Variants in CDH13 observed in about 807,000 individuals in gnomAD.
CDH13 encodes the protein cadherin-13.
CDH13 carries 24 observed loss-of-function variants against 63.8 expected under a neutral mutation model. The ratio of observed to expected loss-of-function variants is 0.38; its 90% confidence interval spans 0.27 to 0.53. The LOEUF (loss-of-function observed/expected upper bound fraction) is 0.53, where lower values mean the gene tolerates loss of function less well. CDH13 is among the 20% of genes least tolerant of loss of function. The pLI is 0.85. For missense variants in CDH13, 1,049 were observed against 903.1 expected, an observed-to-expected ratio of 1.16 and a Z score of -2.07; for synonymous variants, 503 against 355.3, an observed-to-expected ratio of 1.42 and a Z score of -4.67.
intron 1 of CDH13, among the ~76,000 whole-genome samples, chr16:82,671,079 G>A (rs1030746212): frequency 7.9e-5 from 12 of 152,086 alleles, no homozygotes; most frequent in African/African-American, 2.9e-4. Context: ...GTGGGTATTA[G>A]ATGGCGAGGG....
intron 2 of CDH13, among the ~76,000 whole-genome samples, chr16:82,928,159 C>CGTGTGT (rs1459344388): frequency 2.1e-5 from 1 of 46,648 alleles, no homozygotes. Context: ...AGTAGGCAGT[C>CGTGTGT]GTGTATGTGT....
chr16:83,259,741 G>T (rs542721883), intron 5 of CDH13, among the ~76,000 whole-genome samples: 1 of 152,006 alleles, frequency 6.6e-6, no homozygotes, highest in South Asian at 2.1e-4. Context: ...GAGGAAACTC[G>T]CTTCAGTTTG....
At chr16:82,819,287 T>C (rs2037880894) in intron 1 of CDH13, among the ~76,000 whole-genome samples, 1 of 152,180 alleles carries the variant, frequency 6.6e-6, no homozygotes, top group Admixed American at 6.5e-5. Context: ...TCAAGTAACT[T>C]TCCAGATAAA....
chr16:83,468,925 C>T (rs956681044), intron 6 of CDH13, among the ~76,000 whole-genome samples: 1 of 152,168 alleles, frequency 6.6e-6, no homozygotes, highest in African/African-American at 2.4e-5. Flanking sequence ...CTTTGGATGC[C>T]AGCTGATTCT....
chr16:82,661,809 A>G (rs1416483309), intron 1 of CDH13, among the ~76,000 whole-genome samples: 1 of 152,262 alleles, frequency 6.6e-6, no homozygotes, highest in Non-Finnish European at 1.5e-5. Flanking sequence ...GATGTGTGTC[A>G]CATCAGACTA....
At chr16:83,435,662 T>TAAGTCCAGATGAA (rs1478189709) in intron 6 of CDH13, among the ~76,000 whole-genome samples, 2 of 152,302 alleles carry the variant, frequency 1.3e-5, no homozygotes, top group African/African-American at 4.8e-5. Flanking sequence ...ACCTCACATC[T>TAAGTCCAGATGAA]AAGTCCAGAT....
At chr16:83,380,831 GT>G (rs200970706) in intron 6 of CDH13, among the ~76,000 whole-genome samples, 44,160 of 142,526 alleles carry the variant, frequency 0.31, 6,723 homozygotes, top group African/African-American at 0.39. Flanking sequence ...ATTACCCAAG[GT>G]TTTTTTTTTT....
chr16:82,753,790 G>T (rs2034510919), intron 1 of CDH13, among the ~76,000 whole-genome samples: 1 of 152,124 alleles, frequency 6.6e-6, no homozygotes, highest in South Asian at 2.1e-4. Context: ...TTTATTCTGT[G>T]GGTCCACCTC....
intron 6 of CDH13, among the ~76,000 whole-genome samples, chr16:83,349,869 G>A (rs2090915424): frequency 6.6e-6 from 1 of 152,018 alleles, no homozygotes; most frequent in Non-Finnish European, 1.5e-5. Context: ...CCAAATGCTG[G>A]GATTACAGGT....
intron 6 of CDH13, among the ~76,000 whole-genome samples, chr16:83,367,628 C>G (rs896856155): frequency 6.6e-6 from 1 of 152,140 alleles, no homozygotes; most frequent in African/African-American, 2.4e-5. Context: ...TATGAGGGTT[C>G]TAATTTCTCC....
At chr16:82,820,996 C>G (rs1001697013) in intron 1 of CDH13, among the ~76,000 whole-genome samples, 1 of 152,026 alleles carries the variant, frequency 6.6e-6, no homozygotes, top group African/African-American at 2.4e-5. Flanking sequence ...ACAATGATCT[C>G]CTCATTAGAT....
chr16:83,257,021 C>G (rs1906378640), intron 5 of CDH13, among the ~76,000 whole-genome samples: 1 of 151,944 alleles, frequency 6.6e-6, no homozygotes, highest in African/African-American at 2.4e-5. Flanking sequence ...GGATTTGTTA[C>G]CTGGCAAGAA....
chr16:82,666,579 GT>G (rs1464218560), intron 1 of CDH13, among the ~76,000 whole-genome samples: 2 of 152,206 alleles, frequency 1.3e-5, no homozygotes, highest in African/African-American at 4.8e-5. Flanking sequence ...AATCTGGGAT[GT>G]CTGACATAAC....
chr16:83,156,343 A>G (rs528197752), intron 4 of CDH13, among the ~76,000 whole-genome samples: 3 of 152,278 alleles, frequency 2.0e-5, no homozygotes, highest in Admixed American at 1.3e-4. Flanking sequence ...TAGTTCCATC[A>G]TGTATGCATC....
intron 1 of CDH13, among the ~76,000 whole-genome samples, chr16:82,791,968 C>G (rs1422939949): frequency 6.6e-6 from 1 of 152,150 alleles, no homozygotes; most frequent in East Asian, 1.9e-4. Flanking sequence ...GAACAAAGAC[C>G]CGCCCGTATC....
chr16:83,345,386 T>C (rs926368725), intron 6 of CDH13, among the ~76,000 whole-genome samples: 1 of 152,230 alleles, frequency 6.6e-6, no homozygotes. Context: ...CTCAGTTCTT[T>C]CTTTTCACAG....
chr16:83,298,235 C>T (rs1249312207), intron 5 of CDH13, among the ~76,000 whole-genome samples: 5 of 150,876 alleles, frequency 3.3e-5, no homozygotes, highest in East Asian at 1.9e-4. Flanking sequence ...AGAGCAAGGC[C>T]GTGTCAACAC....
Position 83,121,678 on chromosome 16 carries a change from C to G in CDH13, c.367-3707C>G, listed in dbSNP as rs185529808. ...ATTTAGGATGTTTTCCATTTTTGCC[C>G]CTTATAAATCATGTCTCACTAAACG... On this transcript the variant is annotated intron_variant, in intron 3 of 13. Transcript: ENST00000567109. Among the ~76,000 whole-genome samples the G allele has an allele frequency of 1.6e-4, 24 of 152,242 alleles. No homozygotes were observed. The East Asian group carries it at 3.9e-3, about 25-fold the overall frequency.
At chr16:83,146,192 T>TAAAAAA (rs2036740772) in intron 4 of CDH13, among the ~76,000 whole-genome samples, 1 of 55,776 alleles carries the variant, frequency 1.8e-5, no homozygotes, top group African/African-American at 1.3e-4. Context: ...AGACTCTGTC[T>TAAAAAA]CAAAAAAAAA....
Sources: allele counts gnomAD v4.1 joint callset (sites outside exome capture counted in the v4.1 genomes callset), GRCh38; gene constraint gnomAD v4.1.1; transcripts MANE v1.5; gene names NCBI Gene and HGNC (gene_info 2026-07-23, HGNC 2026-07-21).